The following LIMCH1 variants were observed in gnomAD, a reference collection of about 807,000 sequenced individuals.
LIMCH1 encodes LIM and calponin homology domains 1, also known as LIM and calponin homology domains-containing protein 1.
LIMCH1 carries 113 observed loss-of-function variants against 176.5 expected under a neutral mutation model. The ratio of observed to expected loss-of-function variants is 0.64; its 90% CI spans 0.55 to 0.75. The LOEUF (loss-of-function observed/expected upper bound fraction) is 0.75, where lower values mean the gene tolerates loss of function less well. Ranked by LOEUF, LIMCH1 falls within the 30% of genes least tolerant of loss-of-function variation. The pLI is 0.00. For missense variants in LIMCH1, 1,674 were observed against 1,814.9 expected (o/e 0.92, Z 1.41); for synonymous variants, 619 against 645.9 (o/e 0.96, Z 0.63).
chr4:41,513,497 A>G (rs1219917097), intron 2 of LIMCH1, among the ~76,000 whole-genome samples: 1 of 152,188 alleles, frequency 6.6e-6, no homozygotes, highest in Non-Finnish European at 1.5e-5. Context: ...AGAAGGACCC[A>G]GAGATTTTAC....
chr4:41,514,594 A>T (rs2075356826), intron 2 of LIMCH1, among the ~76,000 whole-genome samples: 1 of 152,232 alleles, frequency 6.6e-6, no homozygotes, highest in Middle Eastern at 3.2e-3. Context: ...CTTGAATAGC[A>T]TGGTAAGGAC....
chr4:41,379,178 CAA>C (rs932437732), intron 1 of LIMCH1, among the ~76,000 whole-genome samples: 4 of 152,138 alleles, frequency 2.6e-5, no homozygotes, highest in Non-Finnish European at 4.4e-5. Context: ...AGGTTGCAAA[CAA>C]GATGTTGGCT....
chr4:41,530,447 T>C (rs1026625419), intron 3 of LIMCH1, among the ~76,000 whole-genome samples: 3 of 152,170 alleles, frequency 2.0e-5, no homozygotes, highest in East Asian at 1.9e-4. Flanking sequence ...GTTTATCTTA[T>C]AGATTACCTT....
chr4:41,689,612 T>C lies in LIMCH1; in HGVS notation c.4252T>C (p.Tyr1418His). ...AATGATCATCGAGACCCTCAATCTCTATTTTCACATCCAGTGTTTCAGGGT... is the reference window on the plus strand; with the variant it reads ...AATGATCATCGAGACCCTCAATCTCCATTTTCACATCCAGTGTTTCAGGGT... ...AAMIIETLNLYFHIQCFRCGI... is the reference protein window; with the variant it reads ...AAMIIETLNLHFHIQCFRCGI... The change falls in exon 30 of 32, where the codon TAT becomes CAT. Residue 1418 changes from tyrosine (Y) to histidine (H), a missense_variant. Transcript: ENST00000503057. The C allele has an allele frequency of 6.2e-7, 1 of 1,608,028 alleles. No individual in the cohort carries two copies. Among genetic ancestry groups the C allele is most frequent in the Non-Finnish European group, 8.5e-7 (1 of 1,174,598 alleles).
At chr4:41,628,041 C>T (rs546753798) in intron 8 of LIMCH1, among the ~76,000 whole-genome samples, 5 of 152,200 alleles carry the variant, frequency 3.3e-5, no homozygotes, top group African/African-American at 1.2e-4. Flanking sequence ...AACAGGGATT[C>T]GATAAGAGAA....
intron 21 of LIMCH1, chr4:41,670,736 G>C (rs1329742388): frequency 1.3e-6 from 2 of 1,535,774 alleles, no homozygotes; most frequent in Non-Finnish European, 1.7e-6. Flanking sequence ...GGCACTGCCA[G>C]TGTTCCGCTT....
intron 1 of LIMCH1, among the ~76,000 whole-genome samples, chr4:41,546,608 G>A (rs781330632): frequency 1.3e-5 from 2 of 151,798 alleles, no homozygotes; most frequent in Non-Finnish European, 2.9e-5. Flanking sequence ...TCTTTCAGAT[G>A]CTTTAACCAC....
chr4:41,475,197 A>G (rs1303310861), intron 1 of LIMCH1, among the ~76,000 whole-genome samples: 2 of 152,254 alleles, frequency 1.3e-5, no homozygotes, highest in African/African-American at 2.4e-5. Context: ...GTGTCTTTCT[A>G]TAAGATGTTG....
chr4:41,385,814 G>T (rs16853162), intron 1 of LIMCH1: 1 of 152,094 alleles, frequency 6.6e-6, no homozygotes, highest in Non-Finnish European at 1.5e-5. Flanking sequence ...AAAAGGTGGC[G>T]TATATATTGA....
chr4:41,673,004 C>T (rs1016100862), intron 22 of LIMCH1, among the ~76,000 whole-genome samples: 4 of 152,174 alleles, frequency 2.6e-5, no homozygotes, highest in Non-Finnish European at 5.9e-5. Context: ...AATAAATCCT[C>T]CCCCTCTCCC....
chr4:41,518,573 T>G (rs1009666119), intron 2 of LIMCH1, among the ~76,000 whole-genome samples: 1 of 152,214 alleles, frequency 6.6e-6, no homozygotes, highest in Admixed American at 6.5e-5. Flanking sequence ...GTTTCTTTTT[T>G]GTTGTTAATT....
chr4:41,490,277 CTTTTTT>C (rs750458277), intron 1 of LIMCH1, among the ~76,000 whole-genome samples: 2 of 134,238 alleles, frequency 1.5e-5, no homozygotes, highest in Non-Finnish European at 3.2e-5. Context: ...TTCTCCCTTT[CTTTTTT>C]TTTTTTTTTT....
chr4:41,394,706 A>G (rs2057614051), intron 1 of LIMCH1, among the ~76,000 whole-genome samples: 1 of 152,206 alleles, frequency 6.6e-6, no homozygotes, highest in Admixed American at 6.5e-5. Flanking sequence ...GGGAACACCT[A>G]AATAGCTCTC....
At chr4:41,545,887 A>G (rs1365014782) in intron 1 of LIMCH1, among the ~76,000 whole-genome samples, 1 of 152,090 alleles carries the variant, frequency 6.6e-6, no homozygotes, top group Non-Finnish European at 1.5e-5. Flanking sequence ...TTTTGGCCAT[A>G]GTTTACATGG....
chr4:41,489,809 A>G (rs995326256), intron 1 of LIMCH1, among the ~76,000 whole-genome samples: 1 of 152,150 alleles, frequency 6.6e-6, no homozygotes, highest in Admixed American at 6.5e-5. Flanking sequence ...TCAACTCCCC[A>G]TTCAGTAGAA....
At chr4:41,488,001 G>A (rs541716958) in intron 1 of LIMCH1, among the ~76,000 whole-genome samples, 1 of 151,296 alleles carries the variant, frequency 6.6e-6, no homozygotes, top group East Asian at 1.9e-4. Context: ...CTCAGCAATC[G>A]GTGAGCTTCC....
At chr4:41,603,928 T>A (rs2090329970) in intron 3 of LIMCH1, 23 bp downstream of exon 3, 1 of 1,591,966 alleles carries the variant, frequency 6.3e-7, no homozygotes, top group African/African-American at 1.3e-5. Context: ...ACTTCCAAAC[T>A]TGTATCTTTG....
intron 1 of LIMCH1, among the ~76,000 whole-genome samples, chr4:41,461,114 C>G (rs1160182594): frequency 6.6e-6 from 1 of 152,176 alleles, no homozygotes; most frequent in Non-Finnish European, 1.5e-5. Context: ...CCAGCACTTC[C>G]TAAGCACCTA....
intron 2 of LIMCH1, among the ~76,000 whole-genome samples, chr4:41,520,631 A>G (rs141411747): frequency 5.3e-5 from 8 of 152,342 alleles, no homozygotes; most frequent in African/African-American, 1.9e-4. Flanking sequence ...ATAGTGGACA[A>G]CACATAGCAG....
Sources: gnomAD v4.1 joint callset for allele counts (sites outside exome capture counted in the v4.1 genomes callset) on GRCh38, gnomAD v4.1.1 for gene constraint, MANE v1.5 for transcripts, NCBI Gene and HGNC (gene_info 2026-07-23, HGNC 2026-07-21) for gene names.